The following PRKN variants were observed in gnomAD, a reference collection of about 807,000 sequenced individuals.
The protein encoded by PRKN is parkin RBR E3 ubiquitin protein ligase.
In PRKN, 56 loss-of-function variants were observed where a neutral mutation model predicts 59.5. The observed-to-expected ratio is 0.94, with a 90% confidence interval of 0.76 to 1.18. The LOEUF (loss-of-function observed/expected upper bound fraction) is 1.18. PRKN is among the 50% of genes most tolerant of loss of function. The probability of loss-of-function intolerance (pLI) is 0.00; values close to 1 mark genes in which losing one functional copy is unlikely to be tolerated. For missense variants in PRKN, 657 were observed against 596.4 expected, an observed-to-expected ratio of 1.10 and a Z score of -1.06; for synonymous variants, 250 against 222.1, an observed-to-expected ratio of 1.13 and a Z score of -1.12.
At chr6:161,786,463 T>A (rs1411622792) in intron 6 of PRKN, among the ~76,000 whole-genome samples, 1 of 152,074 alleles carries the variant, frequency 6.6e-6, no homozygotes, top group African/African-American at 2.4e-5. Flanking sequence ...ATCAAAAAAA[T>A]TTAGGACTTG....
chr6:162,421,978 G>C (rs1000016807), intron 2 of PRKN, among the ~76,000 whole-genome samples: 2 of 152,184 alleles, frequency 1.3e-5, no homozygotes, highest in African/African-American at 4.8e-5. Context: ...TTATCTTCAA[G>C]TTTAGATGAA....
chr6:162,123,007 TAA>T (rs34578897), intron 4 of PRKN, among the ~76,000 whole-genome samples: 21 of 136,940 alleles, frequency 1.5e-4, no homozygotes, highest in African/African-American at 4.3e-4. Context: ...CAAAAATAGT[TAA>T]AAAAAAAAAA....
intron 1 of PRKN, among the ~76,000 whole-genome samples, chr6:162,507,115 A>G (rs1253335599): frequency 6.6e-6 from 1 of 152,190 alleles, no homozygotes; most frequent in African/African-American, 2.4e-5. Context: ...AAGATATGCT[A>G]GAGCCACCTC....
At chr6:162,619,527 A>C (rs1329313920) in intron 1 of PRKN, among the ~76,000 whole-genome samples, 1 of 152,202 alleles carries the variant, frequency 6.6e-6, no homozygotes, top group Non-Finnish European at 1.5e-5. Flanking sequence ...AATGATTCGC[A>C]TTAAAAAGGA....
intron 2 of PRKN, among the ~76,000 whole-genome samples, chr6:162,284,654 C>A (rs1443259678): frequency 6.6e-6 from 1 of 152,106 alleles, no homozygotes; most frequent in African/African-American, 2.4e-5. Flanking sequence ...ACTGGATTTT[C>A]TTTTCAAAAT....
chr6:162,300,633 C>T (rs1781900618), intron 2 of PRKN, among the ~76,000 whole-genome samples: 1 of 152,086 alleles, frequency 6.6e-6, no homozygotes, highest in South Asian at 2.1e-4. Context: ...CACCTCACTT[C>T]TCTAAAGTTA....
intron 2 of PRKN, among the ~76,000 whole-genome samples, chr6:162,369,517 C>G (rs1207588755): frequency 6.6e-6 from 1 of 152,200 alleles, no homozygotes; most frequent in Non-Finnish European, 1.5e-5. Flanking sequence ...CAATTGTACA[C>G]ATTCCACAAA....
intron 7 of PRKN, among the ~76,000 whole-genome samples, chr6:161,601,945 AT>A (rs1027834617): frequency 2.0e-5 from 3 of 152,152 alleles, no homozygotes; most frequent in Non-Finnish European, 4.4e-5. Context: ...AAAAACTGTT[AT>A]TTTTTTAACA....
rs549126050 is a variant in PRKN at position 162,569,702 on chromosome 6, G to A, written c.8-126229C>T. On this transcript the variant is annotated intron_variant, in intron 1 of 11. Coordinates refer to ENST00000366898, the MANE Select transcript of PRKN (RefSeq NM_004562.3). ...GACCTGCGATGGGAAGCTGGTATCC[G>A]AGTCCTCTGATGTCCTTCCTAAGTG... is the stretch of plus-strand genomic sequence containing the variant. 40 of 596,906 alleles carry A rather than the reference G, an allele frequency of 6.7e-5. 1 individual carries two copies. The highest frequency in any genetic ancestry group is 6.0e-4 in the South Asian group (37 of 61,746). The allele number at this position is 596,906 out of a possible 1,614,324, so 37.0% of individuals were successfully genotyped here. A position where few individuals can be genotyped will look rare whatever the true frequency, so the allele number is the denominator to read the frequency against.
chr6:162,665,667 G>T (rs997772128), intron 1 of PRKN, among the ~76,000 whole-genome samples: 4 of 152,044 alleles, frequency 2.6e-5, no homozygotes, highest in Non-Finnish European at 5.9e-5. Flanking sequence ...ATTCTTCACA[G>T]AATTAGAAAA....
At chr6:162,684,528 G>T (rs1361515177) in intron 1 of PRKN, among the ~76,000 whole-genome samples, 1 of 152,126 alleles carries the variant, frequency 6.6e-6, no homozygotes, top group African/African-American at 2.4e-5. Flanking sequence ...TCCATTTAGA[G>T]AGGGTGGGAA....
At chr6:161,902,949 G>A in intron 6 of PRKN, among the ~76,000 whole-genome samples, 1 of 152,180 alleles carries the variant, frequency 6.6e-6, no homozygotes. Context: ...CTCTCAGAAA[G>A]TTGTGTGCTG....
chr6:161,416,242 A>G (rs1324498481), intron 9 of PRKN, among the ~76,000 whole-genome samples: 1 of 152,056 alleles, frequency 6.6e-6, no homozygotes, highest in Non-Finnish European at 1.5e-5. Flanking sequence ...GAGCTAACAG[A>G]CGCACTGCCT....
chr6:162,597,454 G>C (rs1479050782), intron 1 of PRKN, among the ~76,000 whole-genome samples: 1 of 152,098 alleles, frequency 6.6e-6, no homozygotes, highest in African/African-American at 2.4e-5. Flanking sequence ...TCTTTGAAAT[G>C]GTTAATTATG....
At chr6:161,626,103 T>C (rs756009220) in intron 7 of PRKN, among the ~76,000 whole-genome samples, 15 of 152,198 alleles carry the variant, frequency 9.9e-5, no homozygotes, top group Non-Finnish European at 2.2e-4. Context: ...TAAGATCCTA[T>C]ATGTTCCTGG....
chr6:162,671,850 T>C (rs952920878), intron 1 of PRKN, among the ~76,000 whole-genome samples: 1 of 151,626 alleles, frequency 6.6e-6, no homozygotes, highest in African/African-American at 2.4e-5. Context: ...AAAGAATAAA[T>C]GGAAATCAGG....
At chr6:162,579,670 C>T (rs569430317) in intron 1 of PRKN, among the ~76,000 whole-genome samples, 2 of 145,416 alleles carry the variant, frequency 1.4e-5, no homozygotes, top group Admixed American at 6.7e-5. Flanking sequence ...CACACAGATA[C>T]ACACAGATTC....
chr6:162,189,709 T>C (rs910562947), intron 4 of PRKN, among the ~76,000 whole-genome samples: 2 of 151,916 alleles, frequency 1.3e-5, no homozygotes, highest in African/African-American at 2.4e-5. Context: ...ACTCTGTTTA[T>C]GCAAAGTTTA....
intron 7 of PRKN, among the ~76,000 whole-genome samples, chr6:161,626,943 C>T (rs1356805364): frequency 6.6e-6 from 1 of 152,114 alleles, no homozygotes; most frequent in Non-Finnish European, 1.5e-5. Context: ...AGTAAACTCA[C>T]TTATCTAGAT....
Sources: allele counts gnomAD v4.1 joint callset (sites outside exome capture counted in the v4.1 genomes callset), GRCh38; gene constraint gnomAD v4.1.1; transcripts MANE v1.5; gene names NCBI Gene and HGNC (gene_info 2026-07-23, HGNC 2026-07-21).